KCNH8: variants seen among roughly 807,000 people sequenced by gnomAD.
KCNH8 encodes the protein potassium voltage-gated channel subfamily H member 8, also known as voltage-gated delayed rectifier potassium channel KCNH8.
Under a neutral mutation model 103.6 loss-of-function variants are expected in KCNH8, and 70 were observed. That is an observed-to-expected ratio of 0.68 (90% confidence interval 0.56 to 0.82). The LOEUF is 0.82. Ranked by LOEUF, KCNH8 falls within the 40% of genes least tolerant of loss-of-function variation. The pLI, the probability that KCNH8 is intolerant of heterozygous loss-of-function variation, is 0.00. For synonymous variants in KCNH8, 498 were observed against 489.4 expected (o/e 1.02, Z -0.23); for missense variants, 1,217 against 1,329.9 (o/e 0.92, Z 1.32).
Position 19,189,861 on chromosome 3 carries a change from G to T in KCNH8, c.76+41066G>T, listed in dbSNP as rs141582183. Among the ~76,000 whole-genome samples the T allele has an allele frequency of 2.9e-3, 434 of 152,028 alleles. 4 individuals are homozygous for T. The highest frequency in any genetic ancestry group is 0.01 in the African/African-American group (417 of 41,484). ...GTTGCTGAGATTTTATATTTTAATT[G>T]CTATAAATACAAAATTAAAACTGAC... is the stretch of plus-strand genomic sequence containing the variant. On this transcript the variant is annotated intron_variant, in intron 1 of 15. Transcript: ENST00000328405.
chr3:19,368,282 A>G (rs2066040795), intron 5 of KCNH8, among the ~76,000 whole-genome samples: 1 of 152,066 alleles, frequency 6.6e-6, no homozygotes, highest in Admixed American at 6.6e-5. Flanking sequence ...AGTGAATAGT[A>G]AAAGAAGAGT....
At chr3:19,450,943 C>G in intron 9 of KCNH8, 1 of 558,744 alleles carries the variant, frequency 1.8e-6, no homozygotes, top group Non-Finnish European at 3.2e-6. Context: ...TTCTGTTTCT[C>G]CAGACTTCTT....
intron 1 of KCNH8, among the ~76,000 whole-genome samples, chr3:19,162,457 A>G (rs1180251722): frequency 2.0e-5 from 3 of 152,004 alleles, no homozygotes; most frequent in Non-Finnish European, 4.4e-5. Flanking sequence ...CAGTGAGCCA[A>G]GATCACGCCA....
chr3:19,423,578 ATC>A (rs2066982221), intron 7 of KCNH8, among the ~76,000 whole-genome samples: 1 of 151,928 alleles, frequency 6.6e-6, no homozygotes. Flanking sequence ...CTCCAATTCC[ATC>A]CAGGTTGCTG....
intron 5 of KCNH8, among the ~76,000 whole-genome samples, chr3:19,362,971 T>C (rs942327879): frequency 1.3e-5 from 2 of 152,098 alleles, no homozygotes; most frequent in Non-Finnish European, 2.9e-5. Flanking sequence ...TGTTTTAATA[T>C]CTACTGTTTT....
chr3:19,372,239 C>A (rs1189121077), intron 5 of KCNH8, among the ~76,000 whole-genome samples: 1 of 151,970 alleles, frequency 6.6e-6, no homozygotes, highest in Non-Finnish European at 1.5e-5. Context: ...TCTTCCTACC[C>A]ATGAGCATGG....
chr3:19,337,896 A>G (rs1209637824), intron 3 of KCNH8, among the ~76,000 whole-genome samples: 8 of 151,856 alleles, frequency 5.3e-5, no homozygotes, highest in Non-Finnish European at 7.4e-5. Context: ...CATGTGCTCC[A>G]GCACCGTAGC....
At chr3:19,199,922 T>C (rs2063639883) in intron 1 of KCNH8, among the ~76,000 whole-genome samples, 2 of 152,064 alleles carry the variant, frequency 1.3e-5, no homozygotes, top group African/African-American at 4.8e-5. Flanking sequence ...CAGTTCATTA[T>C]GAAGAAGTTC....
chr3:19,484,916 T>C (rs866011404), intron 11 of KCNH8, among the ~76,000 whole-genome samples: 6 of 152,288 alleles, frequency 3.9e-5, no homozygotes, highest in African/African-American at 1.4e-4. Context: ...GATACAGTAT[T>C]TCATAAGGGG....
chr3:19,256,509 C>T (rs1175496448), intron 2 of KCNH8, among the ~76,000 whole-genome samples: 1 of 152,070 alleles, frequency 6.6e-6, no homozygotes, highest in East Asian at 1.9e-4. Flanking sequence ...AAGCTGCCAT[C>T]CGGTGGAACG....
At chr3:19,480,146 T>A (rs575893387) in intron 11 of KCNH8, among the ~76,000 whole-genome samples, 1 of 152,344 alleles carries the variant, frequency 6.6e-6, no homozygotes, top group South Asian at 2.1e-4. Flanking sequence ...ATTTCCTATC[T>A]TCCCTGGGCC....
chr3:19,364,662 G>A (rs1177366130), intron 5 of KCNH8, among the ~76,000 whole-genome samples: 2 of 151,980 alleles, frequency 1.3e-5, no homozygotes, highest in African/African-American at 4.8e-5. Flanking sequence ...AAAATGTAGG[G>A]ATTTTACATG....
intron 1 of KCNH8, among the ~76,000 whole-genome samples, chr3:19,195,717 A>G (rs2063594317): frequency 6.6e-6 from 1 of 151,986 alleles, no homozygotes; most frequent in Non-Finnish European, 1.5e-5. Flanking sequence ...AGCTCAGCCA[A>G]TCAGATGTTT....
intron 3 of KCNH8, among the ~76,000 whole-genome samples, chr3:19,315,404 G>T (rs1275008901): frequency 1.3e-5 from 2 of 151,958 alleles, no homozygotes; most frequent in Non-Finnish European, 2.9e-5. Flanking sequence ...TACAAATGCT[G>T]ATCAGCTTTT....
At chr3:19,194,510 A>T (rs897444691) in intron 1 of KCNH8, among the ~76,000 whole-genome samples, 1 of 151,816 alleles carries the variant, frequency 6.6e-6, no homozygotes, top group Admixed American at 6.6e-5. Flanking sequence ...CTTATTATGG[A>T]CCTATTATAG....
chr3:19,430,332 A>G (rs1410731932), intron 7 of KCNH8, among the ~76,000 whole-genome samples: 2 of 151,972 alleles, frequency 1.3e-5, no homozygotes, highest in Non-Finnish European at 2.9e-5. Context: ...CTGTGTGCCT[A>G]TTCTTGTACT....
intron 1 of KCNH8, among the ~76,000 whole-genome samples, chr3:19,237,655 A>G (rs1298952718): frequency 6.6e-6 from 1 of 152,228 alleles, no homozygotes; most frequent in Non-Finnish European, 1.5e-5. Flanking sequence ...CCTGTAATTT[A>G]CAGACTGAAC....
At chr3:19,258,937 C>CTA (rs2064384681) in intron 2 of KCNH8, among the ~76,000 whole-genome samples, 24 of 80,040 alleles carry the variant, frequency 3.0e-4, no homozygotes, top group African/African-American at 7.2e-4. Flanking sequence ...CTCTCTCTCT[C>CTA]TCTCTCTCTC....
intron 3 of KCNH8, among the ~76,000 whole-genome samples, chr3:19,312,711 T>A (rs2065222128): frequency 6.6e-6 from 1 of 151,942 alleles, no homozygotes; most frequent in South Asian, 2.1e-4. Flanking sequence ...GGATAAAATA[T>A]TTTTCCTAGG....
Sources: allele counts gnomAD v4.1 joint callset (sites outside exome capture counted in the v4.1 genomes callset), GRCh38; gene constraint gnomAD v4.1.1; transcripts MANE v1.5; gene names NCBI Gene and HGNC (gene_info 2026-07-23, HGNC 2026-07-21).